The following TADA3 variants were observed in gnomAD, a reference collection of about 807,000 sequenced individuals.
The protein encoded by TADA3 is transcriptional adapter 3.
In TADA3, 25 loss-of-function variants were observed where a neutral mutation model predicts 43.2. The observed-to-expected ratio is 0.58, with a 90% CI of 0.42 to 0.81. TADA3 has a LOEUF of 0.81. Ranked by LOEUF, TADA3 falls within the 30% of genes least tolerant of loss-of-function variation. The probability of loss-of-function intolerance (pLI) is 0.00; values close to 1 mark genes in which losing one functional copy is unlikely to be tolerated. For missense variants in TADA3, 441 were observed against 567.8 expected (o/e 0.78, Z 2.27); for synonymous variants, 235 against 225.5 (o/e 1.04, Z -0.38).
At chr3:9,783,977 G>A (rs1015928337) in intron 8 of TADA3, 51 bp downstream of exon 8, 2 of 1,566,074 alleles carry the variant, frequency 1.3e-6, no homozygotes, top group African/African-American at 1.4e-5. Context: ...ACTAGCCGTG[G>A]CCACAGCCTC....
intron 8 of TADA3, among the ~76,000 whole-genome samples, chr3:9,780,994 T>C (rs772008105): frequency 6.6e-6 from 1 of 152,072 alleles, no homozygotes; most frequent in Non-Finnish European, 1.5e-5. Flanking sequence ...AAAAATTAGC[T>C]GGGTGTGGTA....
rs771821095 is a variant in TADA3, at chr3:9,787,207, T to G, written c.698A>C (p.Asp233Ala). ...KGLMGPLTEL[D>A]TKDVDALLKK... ...GGAGGTGAGAGGCCTACCTTTAGTG[T>G]CCAGTTCGGTCAGTGGCCCCATGAG... Residue 233 changes from aspartate (D) to alanine (A), a missense_variant, in exon 5 of 9, where the codon GAC becomes GCC. By Grantham distance (126) the Asp-to-Ala change is moderately radical (BLOSUM62 -2). Transcript: ENST00000301964. The G allele has an allele frequency of 1.7e-5, 28 of 1,614,056 alleles. No individual in the cohort carries two copies. The highest frequency in any genetic ancestry group is 2.4e-5 in the Non-Finnish European group (28 of 1,180,038).
rs779517346 is a variant in TADA3, at chr3:9,783,999, C to T, written c.1106+29G>A. Reference sequence around the variant, plus strand: ...GTGGCCACAGCCTCCAAGGCCACCCCCGGGACTGTGCATCCTGCTAACGCT... The same window carrying T: ...GTGGCCACAGCCTCCAAGGCCACCCTCGGGACTGTGCATCCTGCTAACGCT... On this transcript the variant is annotated intron_variant, in intron 8 of 8. Coordinates refer to ENST00000301964, the MANE Select transcript of TADA3 (RefSeq NM_006354.5). 2.5e-6 allele frequency: 4 copies of T among 1,601,706 alleles called. No homozygotes were observed. In the African/African-American group the frequency reaches 5.4e-5, roughly 21 times the overall value.
chr3:9,785,235 G>T, intron 7 of TADA3, 81 bp downstream of exon 7: 2 of 1,132,398 alleles, frequency 1.8e-6, no homozygotes, highest in East Asian at 2.4e-5. Flanking sequence ...TCTTACTGAT[G>T]AGGACTTCCC....
At chr3:9,787,918 C>T (rs1355046379) in intron 4 of TADA3, 1 of 365,636 alleles carries the variant, frequency 2.7e-6, no homozygotes, top group Non-Finnish European at 5.3e-6. Context: ...AAGAGCTTGC[C>T]AGAGGCCCAG....
chr3:9,785,277 G>A (rs200605874), intron 7 of TADA3, 39 bp downstream of exon 7: 37 of 1,516,396 alleles, frequency 2.4e-5, no homozygotes, highest in African/African-American at 6.8e-5. Context: ...CAACAGAAGC[G>A]GGGGCCAGAC....
upstream of TADA3, chr3:9,792,794 T>C: frequency 7.9e-7 from 1 of 1,264,420 alleles, no homozygotes; most frequent in Non-Finnish European, 1.0e-6. Context: ...TGGTGCCCAA[T>C]CTGAAGCTGG....
upstream of TADA3, chr3:9,793,005 A>T (rs1429859549): frequency 6.6e-7 from 1 of 1,518,660 alleles, no homozygotes; most frequent in African/African-American, 1.4e-5. Flanking sequence ...CTCGGAGCAT[A>T]GATGGTACCG....
At chr3:9,791,529 G>A in intron 1 of TADA3, 36 bp from the exon 2 acceptor site, 1 of 1,379,830 alleles carries the variant, frequency 7.2e-7, no homozygotes, top group South Asian at 1.4e-5. Flanking sequence ...GAGACAAAGT[G>A]GTCTGAGAAA....
In TADA3 at chr3:9,787,422, A is replaced by G. The variant is rs767749338; in HGVS notation, c.565-82T>C. 8 of 1,514,196 alleles carry G rather than the reference A, an allele frequency of 5.3e-6. No homozygotes were observed. The South Asian group carries it at 5.3e-5, about 10-fold the overall frequency. The allele number at this position is 1,514,196 out of a possible 1,614,324, so 93.8% of individuals were successfully genotyped here. ...ATTCATTCATTCACTTACCTATCTT[A>G]TATCTCTCTCAAGTCCCTAGTCCAA... On this transcript the variant is annotated intron_variant, in intron 4 of 8. Transcript: ENST00000301964.
chr3:9,789,976 G>T lies in TADA3; in HGVS notation c.208-13C>A. The T allele has an allele frequency of 1.3e-6, 2 of 1,576,958 alleles. No individual in the cohort carries two copies. The highest frequency in any genetic ancestry group is 1.2e-5 in the South Asian group (1 of 85,464). On this transcript the variant is annotated splice_polypyrimidine_tract_variant and intron_variant, in intron 2 of 8. Transcript: ENST00000301964. ...AGTCGGTGAGGATCTGAAATTTACA[G>T]AAAGTGTCACTGAGGGGGAGAAGGG...
intron 7 of TADA3, among the ~76,000 whole-genome samples, chr3:9,784,483 T>C (rs1326927561): frequency 1.3e-5 from 2 of 152,184 alleles, no homozygotes; most frequent in Non-Finnish European, 2.9e-5. Flanking sequence ...TATATTATTA[T>C]ATATATTCCA....
chr3:9,785,269 A>G (rs201334792), intron 7 of TADA3, 47 bp downstream of exon 7: 2 of 1,495,482 alleles, frequency 1.3e-6, no homozygotes, highest in African/African-American at 1.4e-5. Context: ...AGAGAAGCCA[A>G]CAGAAGCGGG....
Position 9,789,750 on chromosome 3 carries a change from C to A in TADA3, c.421G>T (p.Asp141Tyr). 1.2e-6 allele frequency: 2 copies of A among 1,614,124 alleles called. No homozygotes were observed. The highest frequency in any genetic ancestry group is 1.7e-6 in the Non-Finnish European group (2 of 1,179,996). Residue 141 changes from aspartate (D) to tyrosine (Y), a missense_variant, in exon 3 of 9, where the codon GAC (aspartate) becomes TAC (tyrosine). Transcript: ENST00000301964. ...QEYEFTDDPIDVPRIPKNDAP... is the reference protein window; with the variant it reads ...QEYEFTDDPIYVPRIPKNDAP... ...TCATTTTTGGGGATCCGTGGCACGT[C>A]GATAGGGTCATCAGTGAATTCATAT... is the stretch of plus-strand genomic sequence containing the variant.
chr3:9,787,950 T>G, intron 4 of TADA3: 1 of 349,754 alleles, frequency 2.9e-6, no homozygotes, highest in Non-Finnish European at 5.6e-6. Flanking sequence ...GAGGCTGTGG[T>G]GTCCTGGAAT....
intron 6 of TADA3, 114 bp from the exon 7 acceptor site, chr3:9,785,539 C>G: frequency 1.4e-6 from 1 of 725,578 alleles, no homozygotes; most frequent in South Asian, 1.9e-5. Context: ...TCTTTCCCAT[C>G]CCACCTACCG....
chr3:9,784,234 G>A (rs373491526), intron 7 of TADA3, 21 bp from the exon 8 acceptor site: 72 of 1,591,452 alleles, frequency 4.5e-5, no homozygotes, highest in Admixed American at 6.8e-5. Flanking sequence ...AGGCAGGCCC[G>A]TCAGACTCAA....
At chr3:9,783,199 C>T (rs935455435) in intron 8 of TADA3, 2 of 151,272 alleles carry the variant, frequency 1.3e-5, no homozygotes, top group Non-Finnish European at 2.9e-5. Context: ...TTTTTAATAA[C>T]AAAACTTTGG....
At chr3:9,785,176 T>G (rs2078578000) in intron 7 of TADA3, 140 bp downstream of exon 7, 1 of 608,308 alleles carries the variant, frequency 1.6e-6, no homozygotes, top group African/African-American at 1.8e-5. Flanking sequence ...CGCTGGGTCA[T>G]CACTCACACT....
Sources: allele counts gnomAD v4.1 joint callset (sites outside exome capture counted in the v4.1 genomes callset), GRCh38; gene constraint gnomAD v4.1.1; transcripts MANE v1.5; gene names NCBI Gene and HGNC (gene_info 2026-07-23, HGNC 2026-07-21).